Variants in MAP2K6 observed in about 807,000 individuals in gnomAD.
MAP2K6 encodes mitogen-activated protein kinase kinase 6.
A neutral mutation model predicts 53.7 loss-of-function variants in MAP2K6; 16 were observed. That is an observed-to-expected ratio of 0.30 (90% CI 0.20 to 0.45). The LOEUF (loss-of-function observed/expected upper bound fraction) is 0.45, where lower values mean the gene tolerates loss of function less well. Among genes scored for constraint, MAP2K6 ranks in the 20% least tolerant of loss-of-function variants. The pLI, the probability that MAP2K6 is intolerant of heterozygous loss-of-function variation, is 1.00. For missense variants in MAP2K6, 204 were observed against 411.9 expected, an observed-to-expected ratio of 0.50 and a Z score of 4.37; for synonymous variants, 132 against 143.1, an observed-to-expected ratio of 0.92 and a Z score of 0.55.
chr17:69,509,623 T>C (rs915323367), intron 2 of MAP2K6, among the ~76,000 whole-genome samples: 1 of 152,202 alleles, frequency 6.6e-6, no homozygotes, highest in African/African-American at 2.4e-5. Context: ...ACTTTCATTT[T>C]CTTGCCTTAT....
chr17:69,457,913 A>G (rs1907472384), intron 1 of MAP2K6, among the ~76,000 whole-genome samples: 1 of 152,246 alleles, frequency 6.6e-6, no homozygotes, highest in Non-Finnish European at 1.5e-5. Flanking sequence ...TCCTGTGCAC[A>G]TTAAAGTTCG....
At chr17:69,447,680 T>C (rs1343242538) in intron 1 of MAP2K6, among the ~76,000 whole-genome samples, 5 of 152,112 alleles carry the variant, frequency 3.3e-5, no homozygotes, top group African/African-American at 7.2e-5. Context: ...TGGAAGGCAG[T>C]TGAGTAAAAG....
In MAP2K6 at chr17:69,522,890, CAA is replaced by C. The variant is rs34231223; in HGVS notation, c.536-605_536-604del. 3.1e-3 allele frequency among the ~76,000 whole-genome samples: 308 copies of C among 98,854 alleles called. 1 individual carries two copies. Among genetic ancestry groups the C allele is most frequent in the South Asian group, 5.1e-3 (15 of 2,942 alleles). The allele number at this position is 98,854 out of a possible 152,430, so 64.9% of individuals were successfully genotyped here. A position where few individuals can be genotyped will look rare whatever the true frequency, so the allele number is the denominator to read the frequency against. ...GTCAACAAAGAGACATCCTGTCTGT[CAA>C]AAAAAAAAAAAAAAAAAAGTTAGCT... On this transcript the variant is annotated intron_variant, in intron 7 of 11. Coordinates refer to ENST00000590474, the MANE Select transcript of MAP2K6 (RefSeq NM_002758.4).
In MAP2K6 at chr17:69,478,465, T is replaced by C. The variant is rs529272469; in HGVS notation, c.17-27315T>C. ...TTCTTTTTTTGAGACCGAGTTTCAC[T>C]CTTGTTGCCCAGGCTGGGGTGCAGT... On this transcript the variant is annotated intron_variant, in intron 1 of 11. Transcript: ENST00000590474. Among the ~76,000 whole-genome samples, 21 of 152,324 alleles carry C rather than the reference T, an allele frequency of 1.4e-4. No homozygotes were observed. The South Asian group carries it at 2.3e-3, about 17-fold the overall frequency.
intron 1 of MAP2K6, among the ~76,000 whole-genome samples, chr17:69,504,038 C>T (rs1909321696): frequency 6.6e-6 from 1 of 152,274 alleles, no homozygotes; most frequent in African/African-American, 2.4e-5. Context: ...AGAAAGAACT[C>T]CCACCTGGGT....
chr17:69,507,524 T>C lies in MAP2K6; in HGVS notation c.83+1678T>C, dbSNP rs1909570931. ...GTCCTTAATCCCCAGCAACCGCTAA[T>C]CTGTTCTCCTTTGCCATTTTGTTAT... On this transcript the variant is annotated intron_variant, in intron 2 of 11. Transcript: ENST00000590474. Among the ~76,000 whole-genome samples, 3 of 152,336 alleles carry C rather than the reference T, an allele frequency of 2.0e-5. 1 individual carries two copies. The South Asian group carries it at 6.2e-4, about 32-fold the overall frequency.
At chr17:69,529,332 C>T (rs1910953138) in intron 10 of MAP2K6, among the ~76,000 whole-genome samples, 1 of 151,940 alleles carries the variant, frequency 6.6e-6, no homozygotes, top group Admixed American at 6.6e-5. Context: ...CAACTAGTTT[C>T]TGTTTAGAAG....
chr17:69,447,275 A>G (rs954291935), intron 1 of MAP2K6, among the ~76,000 whole-genome samples: 4 of 151,060 alleles, frequency 2.6e-5, no homozygotes, highest in Non-Finnish European at 5.9e-5. Flanking sequence ...CACCACGCCC[A>G]GCCTAACCTT....
In MAP2K6 at chr17:69,545,841, T is replaced by C. The variant is rs575686674; in HGVS notation, c.*4088T>C. 1 of 152,258 alleles carries C rather than the reference T, an allele frequency of 6.6e-6. No individual in the cohort carries two copies. Among genetic ancestry groups the C allele is most frequent in the Admixed American group, 6.5e-5 (1 of 15,288 alleles). 9.4% of individuals were successfully genotyped at this position (152,258 alleles called of 1,614,324 possible). On this transcript the variant is annotated 3_prime_UTR_variant, in exon 12 of 12. Transcript: ENST00000590474. ...TTTGAGACCAGCCTGACTAACATGA[T>C]GAAACCCCGTCTCTACTAAAAATAC... is the stretch of plus-strand genomic sequence containing the variant.
At chr17:69,533,819 A>G (rs1224494736) in intron 10 of MAP2K6, among the ~76,000 whole-genome samples, 1 of 146,924 alleles carries the variant, frequency 6.8e-6, no homozygotes, top group Non-Finnish European at 1.5e-5. Context: ...GTTTCTTTCT[A>G]GGTAAACTAG....
At chr17:69,498,070 G>A (rs539458182) in intron 1 of MAP2K6, among the ~76,000 whole-genome samples, 2 of 151,936 alleles carry the variant, frequency 1.3e-5, no homozygotes, top group South Asian at 4.2e-4. Flanking sequence ...CTGATGCTTC[G>A]ATGGCAGAAT....
At chr17:69,487,657 C>T (rs148485464) in intron 1 of MAP2K6, among the ~76,000 whole-genome samples, 165 of 152,276 alleles carry the variant, frequency 1.1e-3, no homozygotes, top group African/African-American at 3.5e-3. Context: ...CTGCTAATGA[C>T]GGGCTTGGTC....
At chr17:69,508,197 G>T (rs1401223379) in intron 2 of MAP2K6, among the ~76,000 whole-genome samples, 2 of 151,166 alleles carry the variant, frequency 1.3e-5, no homozygotes, top group Non-Finnish European at 3.0e-5. Flanking sequence ...GATTATAGGC[G>T]CCTGCCACCA....
intron 1 of MAP2K6, among the ~76,000 whole-genome samples, chr17:69,474,142 C>G (rs927418834): frequency 6.6e-6 from 1 of 152,188 alleles, no homozygotes; most frequent in African/African-American, 2.4e-5. Context: ...GCAAGGGCTA[C>G]ATGTTTTGGT....
chr17:69,450,205 G>A (rs1332475730), intron 1 of MAP2K6, among the ~76,000 whole-genome samples: 5 of 151,202 alleles, frequency 3.3e-5, no homozygotes, highest in East Asian at 3.9e-4. Flanking sequence ...CACCTGCCTC[G>A]GCCTGCCAAA....
chr17:69,470,756 G>C (rs1907958966), intron 1 of MAP2K6, among the ~76,000 whole-genome samples: 1 of 152,170 alleles, frequency 6.6e-6, no homozygotes, highest in African/African-American at 2.4e-5. Context: ...TGTCTGCCTA[G>C]AACTTGACAC....
chr17:69,496,507 T>G (rs1030882604), intron 1 of MAP2K6, among the ~76,000 whole-genome samples: 2 of 152,050 alleles, frequency 1.3e-5, no homozygotes, highest in African/African-American at 4.8e-5. Flanking sequence ...TAGCTGGGAT[T>G]ACAGGCGTGT....
chr17:69,511,063 G>A (rs1489294061), intron 2 of MAP2K6, among the ~76,000 whole-genome samples: 1 of 151,922 alleles, frequency 6.6e-6, no homozygotes, highest in African/African-American at 2.4e-5. Context: ...TTACATTATA[G>A]CATAAATTAT....
At chr17:69,514,341 A>G (rs1910027928) in intron 2 of MAP2K6, among the ~76,000 whole-genome samples, 1 of 152,212 alleles carries the variant, frequency 6.6e-6, no homozygotes, top group African/African-American at 2.4e-5. Context: ...TTCCCTGCTC[A>G]GAAACACAAG....
Sources: gnomAD v4.1 joint callset for allele counts (sites outside exome capture counted in the v4.1 genomes callset) on GRCh38, gnomAD v4.1.1 for gene constraint, MANE v1.5 for transcripts, NCBI Gene and HGNC (gene_info 2026-07-23, HGNC 2026-07-21) for gene names.